The following MCM9 variants were observed in gnomAD, a reference collection of about 807,000 sequenced individuals.
MCM9 encodes the protein minichromosome maintenance 9 homologous recombination repair factor, also known as DNA helicase MCM9.
MCM9 carries 55 observed loss-of-function variants against 72.8 expected under a neutral mutation model. The observed-to-expected ratio is 0.76, with a 90% confidence interval of 0.61 to 0.95. MCM9 has a LOEUF of 0.95. MCM9 is among the 40% of genes least tolerant of loss of function. The pLI is 0.00. For synonymous variants in MCM9, 480 were observed against 503.4 expected (o/e 0.95, Z 0.62); for missense variants, 1,279 against 1,377.0 (o/e 0.93, Z 1.13).
At chr6:118,833,846 G>A (rs1303436131) in intron 9 of MCM9, among the ~76,000 whole-genome samples, 1 of 152,092 alleles carries the variant, frequency 6.6e-6, no homozygotes, top group East Asian at 1.9e-4. Context: ...AAAGAGTCCT[G>A]GTGATTGCTT....
chr6:118,825,748 T>C (rs574871994), intron 13 of MCM9, among the ~76,000 whole-genome samples: 33 of 152,346 alleles, frequency 2.2e-4, no homozygotes, highest in African/African-American at 7.5e-4. Flanking sequence ...TTTCTTCCCA[T>C]GTATCCTCCT....
intron 3 of MCM9, among the ~76,000 whole-genome samples, chr6:118,927,864 T>C (rs1444746040): frequency 1.3e-5 from 2 of 152,188 alleles, no homozygotes; most frequent in African/African-American, 2.4e-5. Context: ...ATATGCCCCA[T>C]TGCTTCTAGA....
chr6:118,837,890 G>A (rs1087574), intron 9 of MCM9, among the ~76,000 whole-genome samples: 11,319 of 152,174 alleles, frequency 0.074, 650 homozygotes, highest in East Asian at 0.19. Flanking sequence ...GTGTGAATTT[G>A]ATCCTGTTAT....
Position 118,932,638 on chromosome 6 carries a change from GAATA to G in MCM9, c.-51_-48del. 1.0e-6 allele frequency: 1 copy of G among 983,372 alleles called. No individual in the cohort carries two copies. Among genetic ancestry groups the G allele is most frequent in the Non-Finnish European group, 1.2e-6 (1 of 828,094 alleles). 60.9% of individuals were successfully genotyped at this position (983,372 alleles called of 1,614,324 possible). A position where few individuals can be genotyped will look rare whatever the true frequency, so the allele number is the denominator to read the frequency against. On this transcript the variant is annotated 5_prime_UTR_variant, in exon 2 of 14. Coordinates refer to ENST00000619706, the MANE Select transcript of MCM9 (RefSeq NM_017696.3). ...TCAGACTGACAGCCAGTTCTGACAT[GAATA>G]ATTAACAGACTGTCCTTAGAAATTC...
intron 8 of MCM9, among the ~76,000 whole-genome samples, chr6:118,867,165 CA>C (rs942570440): frequency 6.6e-6 from 1 of 151,234 alleles, no homozygotes; most frequent in African/African-American, 2.4e-5. Flanking sequence ...ACCTCTTTTA[CA>C]AAAAAAACGC....
rs184153551 is a variant in MCM9 at position 118,814,766 on chromosome 6, C to A, written c.*58G>T. ...ACATTTATAAATACCATATTGATAT[C>A]CTGAAGGTCCTCTGTGGAGTTGAAG... On this transcript the variant is annotated 3_prime_UTR_variant, in exon 14 of 14. Coordinates refer to ENST00000619706, the MANE Select transcript of MCM9 (RefSeq NM_017696.3). The A allele has an allele frequency of 2.1e-6, 3 of 1,422,038 alleles. No homozygotes were observed. The highest frequency in any genetic ancestry group is 2.9e-5 in the African/African-American group (2 of 69,220). The allele number at this position is 1,422,038 out of a possible 1,614,324, so 88.1% of individuals were successfully genotyped here.
chr6:118,823,468 G>T (rs1237167002), intron 13 of MCM9, among the ~76,000 whole-genome samples: 1 of 152,188 alleles, frequency 6.6e-6, no homozygotes, highest in East Asian at 1.9e-4. Context: ...GGGTACCTCA[G>T]CTGGAAACGC....
At chr6:118,933,075 G>T (rs1220073271) in intron 1 of MCM9, among the ~76,000 whole-genome samples, 1 of 152,128 alleles carries the variant, frequency 6.6e-6, no homozygotes, top group Non-Finnish European at 1.5e-5. Context: ...CAAATAAAAC[G>T]AAACAGTGCA....
chr6:118,907,539 T>C (rs1270670204), intron 8 of MCM9: 1 of 1,613,690 alleles, frequency 6.2e-7, no homozygotes, highest in South Asian at 1.1e-5. Flanking sequence ...ATGCATTACC[T>C]TCAGCATCAA....
intron 12 of MCM9, 65 bp downstream of exon 12, chr6:118,826,717 G>T: frequency 8.6e-7 from 1 of 1,158,078 alleles, no homozygotes; most frequent in African/African-American, 1.6e-5. Flanking sequence ...TTAATAAAGT[G>T]TCCTTTTTTA....
At chr6:118,873,492 A>G (rs1777747923) in intron 8 of MCM9, among the ~76,000 whole-genome samples, 1 of 152,184 alleles carries the variant, frequency 6.6e-6, no homozygotes, top group Non-Finnish European at 1.5e-5. Context: ...AATAAAGAAC[A>G]TATAAACAAA....
At chr6:118,885,806 A>G (rs1778560538) in intron 8 of MCM9, among the ~76,000 whole-genome samples, 1 of 152,214 alleles carries the variant, frequency 6.6e-6, no homozygotes, top group Non-Finnish European at 1.5e-5. Context: ...AGCACTTCCT[A>G]ATTCATTCTA....
intron 13 of MCM9, among the ~76,000 whole-genome samples, chr6:118,818,378 A>C (rs905538287): frequency 2.6e-5 from 4 of 152,200 alleles, no homozygotes; most frequent in Admixed American, 1.3e-4. Context: ...TCATTTATTA[A>C]ATAGGGAATC....
chr6:118,871,108 A>G (rs1049632067), intron 8 of MCM9, among the ~76,000 whole-genome samples: 15 of 152,184 alleles, frequency 9.9e-5, no homozygotes, highest in Admixed American at 6.5e-4. Context: ...TGAGGCCAAT[A>G]TCACACTAAT....
intron 8 of MCM9, among the ~76,000 whole-genome samples, chr6:118,857,278 A>G (rs1776619904): frequency 6.6e-6 from 1 of 152,208 alleles, no homozygotes; most frequent in Non-Finnish European, 1.5e-5. Context: ...GTTTGCTTCC[A>G]GTTACAATAT....
At chr6:118,910,096 G>A (rs1306691505) in intron 8 of MCM9, among the ~76,000 whole-genome samples, 4 of 133,722 alleles carry the variant, frequency 3.0e-5, no homozygotes, top group Non-Finnish European at 4.6e-5. Context: ...CAGCCTGGGC[G>A]ACAGCACTAG....
chr6:118,885,723 G>A (rs1398069598), intron 8 of MCM9, among the ~76,000 whole-genome samples: 1 of 152,104 alleles, frequency 6.6e-6, no homozygotes, highest in Non-Finnish European at 1.5e-5. Context: ...CTTCATTAGT[G>A]AATTCCACCG....
At chr6:118,862,198 G>A (rs1023409878) in intron 8 of MCM9, among the ~76,000 whole-genome samples, 1 of 152,238 alleles carries the variant, frequency 6.6e-6, no homozygotes, top group African/African-American at 2.4e-5. Flanking sequence ...GCCCCCAAGA[G>A]TGCAGGGATG....
At position 118,813,654 on chromosome 6, in the gene MCM9, G is replaced by A. The variant is rs1263177960; in HGVS notation, c.*1170C>T. The A allele has an allele frequency of 6.6e-6, 1 of 152,092 alleles. No homozygotes were observed. The highest frequency in any genetic ancestry group is 1.5e-5 in the Non-Finnish European group (1 of 68,028). 9.4% of individuals were successfully genotyped at this position (152,092 alleles called of 1,614,324 possible). A position where few individuals can be genotyped will look rare whatever the true frequency, so the allele number is the denominator to read the frequency against. ...CAGTTTACAAATTCACACTTCAGAAGAGAAAGTCCATAATTACTGAATCCT... is the reference window on the plus strand; with the variant it reads ...CAGTTTACAAATTCACACTTCAGAAAAGAAAGTCCATAATTACTGAATCCT... On this transcript the variant is annotated 3_prime_UTR_variant, in exon 14 of 14. Coordinates refer to ENST00000619706, the MANE Select transcript of MCM9 (RefSeq NM_017696.3).
Sources: gnomAD v4.1 joint callset for allele counts (sites outside exome capture counted in the v4.1 genomes callset) on GRCh38, gnomAD v4.1.1 for gene constraint, MANE v1.5 for transcripts, NCBI Gene and HGNC (gene_info 2026-07-23, HGNC 2026-07-21) for gene names.